Variants in PCDHGB1 observed in about 807,000 individuals in gnomAD.
PCDHGB1 encodes the protein protocadherin gamma-B1.
PCDHGB1 carries 34 observed loss-of-function variants against 56.6 expected under a neutral mutation model. The ratio of observed to expected loss-of-function variants is 0.60; its 90% CI spans 0.46 to 0.80. The LOEUF (loss-of-function observed/expected upper bound fraction) is 0.80, where lower values mean the gene tolerates loss of function less well. PCDHGB1 is among the 30% of genes least tolerant of loss of function. The pLI is 0.00. For synonymous variants in PCDHGB1, 561 were observed against 505.9 expected, an observed-to-expected ratio of 1.11 and a Z score of -1.46; for missense variants, 1,278 against 1,204.6, an observed-to-expected ratio of 1.06 and a Z score of -0.90.
chr5:141,490,837 G>A lies in PCDHGB1; in HGVS notation c.2410-3970G>A. On this transcript the variant is annotated intron_variant, in intron 1 of 3. Coordinates refer to ENST00000523390, the MANE Select transcript of PCDHGB1 (RefSeq NM_018922.3). This position sits in a 1 kb window ranked among gnomAD's most constrained non-coding sequence, Gnocchi z 5.4. ...TGAATTGCTGCAGATGCTGCAGATTGTGGTGGGGGTTCGAGACTCCGGCTC... is the reference window on the plus strand; with the variant it reads ...TGAATTGCTGCAGATGCTGCAGATTATGGTGGGGGTTCGAGACTCCGGCTC... The A allele has an allele frequency of 1.9e-6, 3 of 1,613,914 alleles. No homozygotes were observed. The highest frequency in any genetic ancestry group is 2.2e-5 in the South Asian group (2 of 91,072).
chr5:141,375,513 T>C (rs1771538043), intron 1 of PCDHGB1: 2 of 1,614,038 alleles, frequency 1.2e-6, no homozygotes, highest in Non-Finnish European at 1.7e-6. Flanking sequence ...GTGAATGCAC[T>C]GGACCCTGAC....
chr5:141,393,900 G>C (rs1048161107), intron 1 of PCDHGB1: 1 of 1,613,906 alleles, frequency 6.2e-7, no homozygotes, highest in Non-Finnish European at 8.5e-7. Context: ...TTCTCTTCCC[G>C]GGACAGTAAT....
Position 141,372,509 on chromosome 5 carries a change from C to T in PCDHGB1, c.2409+19840C>T, listed in dbSNP as rs770630386. 11 of 1,614,056 alleles carry T rather than the reference C, an allele frequency of 6.8e-6. No homozygotes were observed. The South Asian group carries it at 9.9e-5, about 14-fold the overall frequency. On this transcript the variant is annotated intron_variant, in intron 1 of 3. Coordinates refer to ENST00000523390, the MANE Select transcript of PCDHGB1 (RefSeq NM_018922.3). Reference sequence around the variant, plus strand: ...CCTTGATCTCAGTGCTCTTCCTCCTCGCGGTGATTCTGGCAATCTCCCTGC... The same window carrying T: ...CCTTGATCTCAGTGCTCTTCCTCCTTGCGGTGATTCTGGCAATCTCCCTGC...
chr5:141,490,688 CTG>C lies in PCDHGB1; in HGVS notation c.2410-4118_2410-4117del. 6.2e-7 allele frequency: 1 copy of C among 1,614,218 alleles called. No homozygotes were observed. On this transcript the variant is annotated intron_variant, in intron 1 of 3. Coordinates refer to ENST00000523390, the MANE Select transcript of PCDHGB1 (RefSeq NM_018922.3). This position sits in a 1 kb window ranked among gnomAD's most constrained non-coding sequence, Gnocchi z 5.4. ...ACTGTGGCTGCCTCAGATCCAGACA[CTG>C]GGGATAATGCCCGCCTCACCTACTC... is the stretch of plus-strand genomic sequence containing the variant.
At chr5:141,374,010 T>A in intron 1 of PCDHGB1, 1 of 1,364,772 alleles carries the variant, frequency 7.3e-7, no homozygotes, top group Non-Finnish European at 9.6e-7. Flanking sequence ...CACCGCTATT[T>A]CTGAGAAGAG....
rs1262043820 is a variant in PCDHGB1, at chr5:141,415,755, T to TTG, written c.2409+63087_2409+63088insGT. Reference sequence around the variant, plus strand: ...GTTTATTAAGGTTTTTTTTTTTTTTTTTTTTTTTTTTTTTTTTACTTTCTG... The same window carrying TTG: ...GTTTATTAAGGTTTTTTTTTTTTTTTTGTTTTTTTTTTTTTTTTTACTTTCTG... On this transcript the variant is annotated intron_variant, in intron 1 of 3. Transcript: ENST00000523390. 56 of 1,387,630 alleles carry TTG rather than the reference T, an allele frequency of 4.0e-5. No individual in the cohort carries two copies. The African/African-American group carries it at 7.5e-4, about 19-fold the overall frequency. The allele number at this position is 1,387,630 out of a possible 1,614,324, so 86.0% of individuals were successfully genotyped here. A position where few individuals can be genotyped will look rare whatever the true frequency, so the allele number is the denominator to read the frequency against.
At position 141,477,372 on chromosome 5, in the gene PCDHGB1, CTG is replaced by C; in HGVS notation, c.2410-17432_2410-17431del. On this transcript the variant is annotated intron_variant, in intron 1 of 3. Transcript: ENST00000523390. This position sits in a 1 kb window ranked among gnomAD's most constrained non-coding sequence, Gnocchi z 4.9. ...ACCAGTGCAGACCTGGATCGGGAGA[CTG>C]TGCCAGAATACAACCTCAGCATCAC... The C allele has an allele frequency of 6.2e-7, 1 of 1,614,154 alleles. No homozygotes were observed. The highest frequency in any genetic ancestry group is 8.5e-7 in the Non-Finnish European group (1 of 1,180,030).
At position 141,375,580 on chromosome 5, in the gene PCDHGB1, G is replaced by C; in HGVS notation, c.2409+22911G>C. The C allele has an allele frequency of 1.9e-6, 3 of 1,614,092 alleles. 1 individual carries two copies. The highest frequency in any genetic ancestry group is 2.2e-5 in the South Asian group (2 of 91,078). On this transcript the variant is annotated intron_variant, in intron 1 of 3. Transcript: ENST00000523390. ...TGGCAGAAGACACCCTCCAGGGGGC[G>C]CCCCTGTCCTCCTACGTGTCCATCA...
intron 1 of PCDHGB1, chr5:141,423,031 A>G (rs761268652): frequency 1.2e-6 from 2 of 1,614,096 alleles, no homozygotes; most frequent in East Asian, 2.2e-5. Flanking sequence ...TTCAGGCCAG[A>G]ACGCCTGGCT....
At chr5:141,410,706 G>A in intron 1 of PCDHGB1, 1 of 1,454,410 alleles carries the variant, frequency 6.9e-7, no homozygotes, top group Non-Finnish European at 9.2e-7. Flanking sequence ...TTCATATCTA[G>A]AATCATATGT....
In PCDHGB1 at chr5:141,432,635, G is replaced by T. The variant is rs754354737; in HGVS notation, c.2410-62172G>T. 8.7e-6 allele frequency: 14 copies of T among 1,613,004 alleles called. No individual in the cohort carries two copies. The South Asian group carries it at 1.4e-4, about 16-fold the overall frequency. On this transcript the variant is annotated intron_variant, in intron 1 of 3. Transcript: ENST00000523390. This position sits in a 1 kb window ranked among gnomAD's most constrained non-coding sequence, Gnocchi z 6.0. ...CTCGGTGGGTCTGCACACGGGCGAGGTGCGCACGGCGCGAGCCCTGCTGGA... is the reference window on the plus strand; with the variant it reads ...CTCGGTGGGTCTGCACACGGGCGAGTTGCGCACGGCGCGAGCCCTGCTGGA...
intron 1 of PCDHGB1, chr5:141,371,739 G>A (rs1356190228): frequency 6.2e-7 from 1 of 1,614,036 alleles, no homozygotes; most frequent in South Asian, 1.1e-5. Flanking sequence ...CAACGACAAC[G>A]TTCCCGTTTT....
chr5:141,350,833 A>G lies in PCDHGB1; in HGVS notation c.573A>G (p.Leu191=). ...CTGATGGAAGTAAATATCCGGTATT[A>G]CTGCTGGAAAAACCTCTAGACAGGG... is the stretch of plus-strand genomic sequence containing the variant. ...ESPDGSKYPV[L]LLEKPLDREH... Residue 191 remains leucine, a synonymous_variant, in exon 1 of 4, where the codon TTA becomes TTG. Transcript: ENST00000523390. 1 of 1,614,050 alleles carries G rather than the reference A, an allele frequency of 6.2e-7. No homozygotes were observed. The highest frequency in any genetic ancestry group is 1.7e-5 in the Admixed American group (1 of 60,032).
At chr5:141,372,589 G>A in intron 1 of PCDHGB1, 1 of 1,614,030 alleles carries the variant, frequency 6.2e-7, no homozygotes, top group Non-Finnish European at 8.5e-7. Context: ...CCTGGTGTCT[G>A]CTTCAAGACT....
chr5:141,362,458 G>T (rs1762514954), intron 1 of PCDHGB1: 2 of 1,614,038 alleles, frequency 1.2e-6, no homozygotes, highest in Non-Finnish European at 1.7e-6. Flanking sequence ...CCCGGAATTG[G>T]TTCCCGCGCA....
At chr5:141,505,852 G>A (rs2099848673) in intron 3 of PCDHGB1, among the ~76,000 whole-genome samples, 1 of 152,140 alleles carries the variant, frequency 6.6e-6, no homozygotes, top group African/African-American at 2.4e-5. Context: ...TAGAAAGTGG[G>A]GACAGGGACC....
At chr5:141,360,660 C>G in intron 1 of PCDHGB1, 1 of 1,613,968 alleles carries the variant, frequency 6.2e-7, no homozygotes, top group Non-Finnish European at 8.5e-7. Context: ...TTAATGACAA[C>G]GAGTACTTTG....
rs1032814206 is a variant in PCDHGB1, at chr5:141,472,764, T to A, written c.2410-22043T>A. Among the ~76,000 whole-genome samples, 12 of 152,040 alleles carry A rather than the reference T, an allele frequency of 7.9e-5. No individual in the cohort carries two copies. The East Asian group carries it at 2.1e-3, about 27-fold the overall frequency. ...ACTTTGGGAGGCGGAGGCTGGCAGATCACCTGAGGTTGGGAGTTCAAGATC... is the reference window on the plus strand; with the variant it reads ...ACTTTGGGAGGCGGAGGCTGGCAGAACACCTGAGGTTGGGAGTTCAAGATC... On this transcript the variant is annotated intron_variant, in intron 1 of 3. Coordinates refer to ENST00000523390, the MANE Select transcript of PCDHGB1 (RefSeq NM_018922.3).
intron 1 of PCDHGB1, chr5:141,357,041 C>T (rs1760441542): frequency 6.2e-7 from 1 of 1,614,006 alleles, no homozygotes; most frequent in African/African-American, 1.3e-5. Context: ...TCCAGCGAGC[C>T]GGGACTATTT....
Sources: allele counts gnomAD v4.1 joint callset (sites outside exome capture counted in the v4.1 genomes callset), GRCh38; gene constraint gnomAD v4.1.1; non-coding constraint Gnocchi (gnomAD v3.1); transcripts MANE v1.5; gene names NCBI Gene and HGNC (gene_info 2026-07-23, HGNC 2026-07-21).